CNTNAP2: variants seen among roughly 807,000 people sequenced by gnomAD.
CNTNAP2 encodes the protein contactin associated protein 2, also known as contactin-associated protein-like 2.
A neutral mutation model predicts 155.2 loss-of-function variants in CNTNAP2; 98 were observed. That is an observed-to-expected ratio of 0.63 (90% CI 0.54 to 0.75). The LOEUF is 0.75. CNTNAP2 is among the 30% of genes least tolerant of loss of function. CNTNAP2 has a pLI of 0.00. For synonymous variants in CNTNAP2, 651 were observed against 631.2 expected (o/e 1.03, Z -0.47); for missense variants, 1,727 against 1,688.1 (o/e 1.02, Z -0.40).
chr7:148,385,177 A>C (rs996961058), intron 22 of CNTNAP2, among the ~76,000 whole-genome samples: 2 of 152,174 alleles, frequency 1.3e-5, no homozygotes, highest in African/African-American at 4.8e-5. Context: ...CTTAGAGAGA[A>C]GCCAAAATTG....
At chr7:146,829,549 T>C (rs1803470986) in intron 2 of CNTNAP2, among the ~76,000 whole-genome samples, 1 of 152,162 alleles carries the variant, frequency 6.6e-6, no homozygotes, top group South Asian at 2.1e-4. Flanking sequence ...CAACTGACAA[T>C]GTTAAGTCGA....
At chr7:147,842,557 C>CT (rs1171642244) in intron 13 of CNTNAP2, among the ~76,000 whole-genome samples, 4,980 of 87,560 alleles carry the variant, frequency 0.057, 246 homozygotes, top group East Asian at 0.26. Flanking sequence ...AGTTGCATTT[C>CT]TTTTTTTTTT....
intron 3 of CNTNAP2, among the ~76,000 whole-genome samples, chr7:146,843,440 C>A (rs1039288657): frequency 2.0e-5 from 3 of 152,120 alleles, no homozygotes; most frequent in African/African-American, 7.2e-5. Flanking sequence ...CTGGGGATTA[C>A]AATTTGACAT....
chr7:147,636,260 C>G (rs1442131958), intron 12 of CNTNAP2, among the ~76,000 whole-genome samples: 1 of 152,032 alleles, frequency 6.6e-6, no homozygotes, highest in Non-Finnish European at 1.5e-5. Context: ...CTGGAAAGTG[C>G]TCTAGCAGAG....
Position 148,118,372 on chromosome 7 carries a change from T to C in CNTNAP2, c.2554+84T>C, listed in dbSNP as rs1804522588. On this transcript the variant is annotated intron_variant, in intron 16 of 23. Coordinates refer to ENST00000361727, the MANE Select transcript of CNTNAP2 (RefSeq NM_014141.6). ...CGGGTCCTGATTGTGGAAGGCCTTTTGATTCAAACGTGGAAGGTTTCCTTT... is the reference window on the plus strand; with the variant it reads ...CGGGTCCTGATTGTGGAAGGCCTTTCGATTCAAACGTGGAAGGTTTCCTTT... 2.1e-6 allele frequency: 3 copies of C among 1,431,860 alleles called. No individual in the cohort carries two copies. In the East Asian group the frequency reaches 7.0e-5, roughly 33 times the overall value. The allele number at this position is 1,431,860 out of a possible 1,614,324, so 88.7% of individuals were successfully genotyped here. A position where few individuals can be genotyped will look rare whatever the true frequency, so the allele number is the denominator to read the frequency against.
intron 14 of CNTNAP2, among the ~76,000 whole-genome samples, chr7:147,964,876 T>C (rs907539593): frequency 6.6e-6 from 1 of 152,196 alleles, no homozygotes; most frequent in Non-Finnish European, 1.5e-5. Flanking sequence ...CCTGAGTGGG[T>C]TGCTGAATTT....
intron 1 of CNTNAP2, among the ~76,000 whole-genome samples, chr7:146,272,049 C>T (rs1800090791): frequency 6.6e-6 from 1 of 152,024 alleles, no homozygotes; most frequent in African/African-American, 2.4e-5. Context: ...TGTATTAGTC[C>T]ATTTTTACAC....
chr7:147,027,551 C>T (rs1027052194), intron 3 of CNTNAP2, among the ~76,000 whole-genome samples: 13 of 152,156 alleles, frequency 8.5e-5, no homozygotes, highest in South Asian at 4.1e-4. Context: ...GAGTTGGCAA[C>T]GTATGAACAA....
intron 1 of CNTNAP2, among the ~76,000 whole-genome samples, chr7:146,166,252 C>A (rs945336870): frequency 6.6e-6 from 1 of 152,086 alleles, no homozygotes; most frequent in Admixed American, 6.6e-5. Context: ...CACCACCATG[C>A]CTGGGTACTT....
intron 16 of CNTNAP2, among the ~76,000 whole-genome samples, chr7:148,123,806 A>T (rs1804657559): frequency 1.3e-5 from 2 of 152,310 alleles, no homozygotes; most frequent in South Asian, 2.1e-4. Context: ...CTAACAGAGA[A>T]GTAGGAAGAC....
At chr7:147,902,585 A>G (rs1299897261) in intron 13 of CNTNAP2, among the ~76,000 whole-genome samples, 1 of 152,018 alleles carries the variant, frequency 6.6e-6, no homozygotes, top group African/African-American at 2.4e-5. Flanking sequence ...TGAGTCCCCA[A>G]AGTCCTTGTA....
At chr7:147,350,652 C>T (rs1386504128) in intron 9 of CNTNAP2, among the ~76,000 whole-genome samples, 2 of 151,796 alleles carry the variant, frequency 1.3e-5, no homozygotes, top group African/African-American at 4.8e-5. Context: ...TAGTTTCTCC[C>T]CTTCAGTGCT....
intron 13 of CNTNAP2, among the ~76,000 whole-genome samples, chr7:147,719,771 C>T (rs1053958285): frequency 1.3e-5 from 2 of 152,080 alleles, no homozygotes; most frequent in East Asian, 1.9e-4. Flanking sequence ...TGTAGCCACC[C>T]GCACTGTGAC....
chr7:146,409,247 T>C (rs774803008), intron 1 of CNTNAP2, among the ~76,000 whole-genome samples: 14 of 152,170 alleles, frequency 9.2e-5, no homozygotes, highest in Admixed American at 1.3e-4. Flanking sequence ...GTATAAGTCA[T>C]TTTGCGAGGC....
At chr7:148,387,707 G>A (rs542455612) in intron 22 of CNTNAP2, among the ~76,000 whole-genome samples, 15 of 152,092 alleles carry the variant, frequency 9.9e-5, no homozygotes, top group South Asian at 6.2e-4. Context: ...TCTCAATCTG[G>A]GAAGCACTTT....
At position 148,346,982 on chromosome 7, in the gene CNTNAP2, C is replaced by T. The variant is rs189439244; in HGVS notation, c.3476-36667C>T. ...AGAGAAAATTAACTACCTGGCCAGG[C>T]GCAGTGGCTCACGCCTGTAATCCCA... On this transcript the variant is annotated intron_variant, in intron 21 of 23. Coordinates refer to ENST00000361727, the MANE Select transcript of CNTNAP2 (RefSeq NM_014141.6). Among the ~76,000 whole-genome samples the T allele has an allele frequency of 8.0e-4, 121 of 151,350 alleles. 1 individual carries two copies. Among genetic ancestry groups the T allele is most frequent in the African/African-American group, 2.8e-3 (116 of 41,206 alleles).
chr7:147,219,811 T>C (rs187518841), intron 8 of CNTNAP2, among the ~76,000 whole-genome samples: 1 of 152,308 alleles, frequency 6.6e-6, no homozygotes, highest in African/African-American at 2.4e-5. Flanking sequence ...ACGGACTCTC[T>C]GTCGCCCAGG....
chr7:148,396,317 C>T (rs28591174), intron 22 of CNTNAP2, among the ~76,000 whole-genome samples: 44,624 of 152,086 alleles, frequency 0.29, 7,191 homozygotes, highest in African/African-American at 0.42. Context: ...AGCGATCCCC[C>T]ATTCAGATGC....
chr7:147,914,118 T>C (rs997927727), intron 14 of CNTNAP2, among the ~76,000 whole-genome samples: 1 of 151,356 alleles, frequency 6.6e-6, no homozygotes, highest in Non-Finnish European at 1.5e-5. Context: ...GAAAATGATG[T>C]TATAAGGCTG....
Sources: allele counts gnomAD v4.1 joint callset (sites outside exome capture counted in the v4.1 genomes callset), GRCh38; gene constraint gnomAD v4.1.1; transcripts MANE v1.5; gene names NCBI Gene and HGNC (gene_info 2026-07-23, HGNC 2026-07-21).